ARHGEF9: variants seen among roughly 807,000 people sequenced by gnomAD.
ARHGEF9 encodes rho guanine nucleotide exchange factor 9.
In ARHGEF9, 2 loss-of-function variants were observed where a neutral mutation model predicts 41.3. The observed-to-expected ratio is 0.05, with a 90% CI of 0.02 to 0.15. The LOEUF is 0.15. Among genes scored for constraint, ARHGEF9 ranks in the 10% least tolerant of loss-of-function variants. ARHGEF9 has a pLI of 1.00. For synonymous variants in ARHGEF9, 160 were observed against 154.4 expected, an observed-to-expected ratio of 1.04 and a Z score of -0.27; for missense variants, 225 against 424.7, an observed-to-expected ratio of 0.53 and a Z score of 4.13.
At chrX:63,765,674 G>C (rs1470850177) in intron 1 of ARHGEF9, among the ~76,000 whole-genome samples, 2 of 111,401 alleles carry the variant, frequency 1.8e-5, no homozygotes, top group Non-Finnish European at 3.8e-5. Context: ...AAGAACAAAG[G>C]ATTAACAGCC....
At chrX:63,768,212 A>G (rs1169512168) in intron 1 of ARHGEF9, among the ~76,000 whole-genome samples, 6 of 111,948 alleles carry the variant, frequency 5.4e-5, no homozygotes, top group Non-Finnish European at 1.1e-4. Flanking sequence ...GTTCCCACTT[A>G]TAAGTGAGAA....
At chrX:63,680,866 A>AAACAAC (rs781835684) in intron 4 of ARHGEF9, among the ~76,000 whole-genome samples, 6 of 110,428 alleles carry the variant, frequency 5.4e-5, no homozygotes, top group African/African-American at 1.3e-4. Flanking sequence ...ACAAACAAAC[A>AAACAAC]AACAACAACA....
At chrX:63,780,541 C>T (rs1331170482) in intron 1 of ARHGEF9, among the ~76,000 whole-genome samples, 6 of 111,135 alleles carry the variant, frequency 5.4e-5, no homozygotes, top group African/African-American at 1.3e-4. Flanking sequence ...AAAGTCAAAG[C>T]GTTTTATATC....
At position 63,637,846 on chromosome X, in the gene ARHGEF9, CTGTGTGTGTGTG is replaced by C. The variant is rs10542660; in HGVS notation, c.*170_*181del. On this transcript the variant is annotated 3_prime_UTR_variant, in exon 10 of 10. Transcript: ENST00000671741. ...GAAAACACTTTTGTTCCTTATCTCT[CTGTGTGTGTGTG>C]TGTGTGTGTGTGTGTGTGTGTGTCT... 3.9e-5 allele frequency: 12 copies of C among 310,498 alleles called. No homozygotes were observed. Among genetic ancestry groups the C allele is most frequent in the African/African-American group, 1.9e-4 (6 of 32,412 alleles). 25.6% of individuals were successfully genotyped at this position (310,498 alleles called of 1,213,427 possible).
chrX:63,683,113 A>T (rs1177058816), intron 4 of ARHGEF9, among the ~76,000 whole-genome samples: 1 of 111,396 alleles, frequency 9.0e-6, no homozygotes, highest in East Asian at 2.8e-4. Flanking sequence ...TTAAAAAGAA[A>T]AAAACCTGTT....
intron 7 of ARHGEF9, among the ~76,000 whole-genome samples, chrX:63,663,438 G>C (rs2147254923): frequency 9.0e-6 from 1 of 110,749 alleles, no homozygotes; most frequent in South Asian, 3.9e-4. Context: ...TTAAATATGA[G>C]ATCATCAGAA....
Position 63,688,464 on chromosome X carries a change from C to T in ARHGEF9, c.582+8661G>A, listed in dbSNP as rs369329068. Among the ~76,000 whole-genome samples the T allele has an allele frequency of 4.5e-5, 5 of 112,295 alleles. No homozygotes were observed. In the East Asian group the frequency reaches 8.3e-4, roughly 19 times the overall value. On this transcript the variant is annotated intron_variant, in intron 4 of 9. Coordinates refer to ENST00000671741, the MANE Select transcript of ARHGEF9 (RefSeq NM_001353921.2). ...ACTGGTAAACGTATATAGACAAATT[C>T]AGAATAAACTATGCAGACAAATACT... is the stretch of plus-strand genomic sequence containing the variant.
At chrX:63,673,881 A>G (rs2050104133) in intron 6 of ARHGEF9, among the ~76,000 whole-genome samples, 157 bp downstream of exon 6, 2 of 111,756 alleles carry the variant, frequency 1.8e-5, no homozygotes. Context: ...TCAAGTATCC[A>G]ACACTTCTCA....
chrX:63,705,726 T>C (rs1339294515), intron 3 of ARHGEF9, among the ~76,000 whole-genome samples: 1 of 111,315 alleles, frequency 9.0e-6, no homozygotes, highest in Non-Finnish European at 1.9e-5. Flanking sequence ...ACCAGCAGCA[T>C]CAGAATCACC....
chrX:63,724,598 G>A lies in ARHGEF9; in HGVS notation c.144C>T (p.Ser48=). The change falls in exon 2 of 10, where the codon TCC becomes TCT. Residue 48 remains serine (S), a synonymous_variant. Transcript: ENST00000671741. ...AGDVIKVLDA[S]NKDWWWGQID... Reference sequence around the variant, plus strand: ...TCTGGCCCCACCACCAATCCTTGTTGGAAGCATCCAAGACTTTGATGACGT... The same window carrying A: ...TCTGGCCCCACCACCAATCCTTGTTAGAAGCATCCAAGACTTTGATGACGT... 2.5e-6 allele frequency: 3 copies of A among 1,211,264 alleles called. No individual in the cohort carries two copies. The highest frequency in any genetic ancestry group is 3.4e-6 in the Non-Finnish European group (3 of 895,392).
chrX:63,754,977 G>C, intron 1 of ARHGEF9: 1 of 938,830 alleles, frequency 1.1e-6, no homozygotes, highest in Non-Finnish European at 1.3e-6. Context: ...CCGTCCGCCT[G>C]CCTGGCTACC....
intron 8 of ARHGEF9, among the ~76,000 whole-genome samples, chrX:63,648,470 C>G (rs2048287434): frequency 9.0e-6 from 1 of 111,343 alleles, no homozygotes; most frequent in Admixed American, 9.6e-5. Flanking sequence ...CAGAAAGGAA[C>G]AACCTGTACC....
intron 4 of ARHGEF9, among the ~76,000 whole-genome samples, chrX:63,688,706 G>A (rs1423310864): frequency 9.0e-6 from 1 of 111,686 alleles, no homozygotes; most frequent in Non-Finnish European, 1.9e-5. Context: ...GGAGGCAGAG[G>A]TTGCAGTGAG....
At chrX:63,644,285 CA>C in intron 8 of ARHGEF9, 2 of 265,078 alleles carry the variant, frequency 7.5e-6, no homozygotes, top group Non-Finnish European at 6.6e-6. Flanking sequence ...AATAGAGAGC[CA>C]AAAAAAGAAT....
chrX:63,753,641 C>T (rs1301971635), intron 1 of ARHGEF9, among the ~76,000 whole-genome samples: 1 of 110,132 alleles, frequency 9.1e-6, no homozygotes. Flanking sequence ...TGTCAAAGTC[C>T]TCTCTTGCCA....
At chrX:63,663,014 T>C (rs1205784278) in intron 7 of ARHGEF9, among the ~76,000 whole-genome samples, 1 of 111,841 alleles carries the variant, frequency 8.9e-6, no homozygotes, top group Non-Finnish European at 1.9e-5. Context: ...ACTTAAGTTC[T>C]GTTAGACTAG....
chrX:63,688,173 T>G (rs1227890129), intron 4 of ARHGEF9, among the ~76,000 whole-genome samples: 23 of 110,552 alleles, frequency 2.1e-4, no homozygotes, highest in African/African-American at 7.6e-4. Flanking sequence ...GAGTTTTCAG[T>G]GTAAGTCCTA....
At chrX:63,740,762 C>T (rs2054905847) in intron 1 of ARHGEF9, among the ~76,000 whole-genome samples, 1 of 111,922 alleles carries the variant, frequency 8.9e-6, no homozygotes, top group Non-Finnish European at 1.9e-5. Flanking sequence ...CAATCTAGGG[C>T]CCTGTCTTTC....
At chrX:63,728,594 C>A (rs782791023) in intron 1 of ARHGEF9, among the ~76,000 whole-genome samples, 1 of 112,325 alleles carries the variant, frequency 8.9e-6, no homozygotes, top group South Asian at 3.7e-4. Context: ...TATAATTTCA[C>A]AAAAGCCAAA....
Sources: allele counts gnomAD v4.1 joint callset (sites outside exome capture counted in the v4.1 genomes callset), GRCh38; gene constraint gnomAD v4.1.1; transcripts MANE v1.5; gene names NCBI Gene and HGNC (gene_info 2026-07-23, HGNC 2026-07-21).